SPHKAP: variants seen among roughly 807,000 people sequenced by gnomAD.
SPHKAP encodes the protein A-kinase anchor protein SPHKAP.
SPHKAP carries 67 observed loss-of-function variants against 137.5 expected under a neutral mutation model. The ratio of observed to expected loss-of-function variants is 0.49; its 90% CI spans 0.40 to 0.60. The LOEUF (loss-of-function observed/expected upper bound fraction) is 0.60. Among genes scored for constraint, SPHKAP ranks in the 20% least tolerant of loss-of-function variants. SPHKAP has a pLI of 0.00. For synonymous variants in SPHKAP, 813 were observed against 785.3 expected (o/e 1.04, Z -0.59); for missense variants, 2,097 against 2,069.3 (o/e 1.01, Z -0.26).
chr2:228,102,744 TG>T (rs372867128), intron 3 of SPHKAP, among the ~76,000 whole-genome samples: 3,502 of 151,634 alleles, frequency 0.023, 128 homozygotes, highest in African/African-American at 0.079. Context: ...CAATTTTTTT[TG>T]TTGTTTGTTT....
At chr2:227,989,455 C>T (rs1487876653) in intron 11 of SPHKAP, among the ~76,000 whole-genome samples, 1 of 152,098 alleles carries the variant, frequency 6.6e-6, no homozygotes, top group African/African-American at 2.4e-5. Flanking sequence ...TAGGCAGGAT[C>T]CTAAAACAGT....
chr2:228,061,568 GA>G (rs1696634651), intron 3 of SPHKAP, among the ~76,000 whole-genome samples: 1 of 151,864 alleles, frequency 6.6e-6, no homozygotes, highest in Non-Finnish European at 1.5e-5. Context: ...CACCGCGCCC[GA>G]CCTAATTATT....
intron 3 of SPHKAP, among the ~76,000 whole-genome samples, chr2:228,066,510 A>G (rs1696832751): frequency 6.6e-6 from 1 of 152,134 alleles, no homozygotes; most frequent in Non-Finnish European, 1.5e-5. Context: ...TTATTCAATT[A>G]CCCTCTGTCC....
At chr2:228,015,794 A>T (rs184576287) in intron 7 of SPHKAP, among the ~76,000 whole-genome samples, 1,596 of 152,344 alleles carry the variant, frequency 0.01, 14 homozygotes, top group Non-Finnish European at 0.017. Flanking sequence ...GAAAAAGACA[A>T]AAAACAAAAA....
At chr2:228,150,357 C>T (rs950969837) in intron 1 of SPHKAP, among the ~76,000 whole-genome samples, 1 of 152,052 alleles carries the variant, frequency 6.6e-6, no homozygotes, top group African/African-American at 2.4e-5. Context: ...ATTGGAATTA[C>T]CTATTTATCA....
Position 228,181,503 on chromosome 2 carries a change from G to T in SPHKAP, c.32+64C>A. 6.2e-7 allele frequency: 1 copy of T among 1,612,012 alleles called. No homozygotes were observed. Among genetic ancestry groups the T allele is most frequent in the South Asian group, 1.1e-5 (1 of 91,002 alleles). ...AGCGCTCTGGGGCAAGTTGGTGAGC[G>T]ACTCACAACGCGGAACGGAGTTTGA... is the stretch of plus-strand genomic sequence containing the variant. On this transcript the variant is annotated intron_variant, in intron 1 of 11. Coordinates refer to ENST00000392056, the MANE Select transcript of SPHKAP (RefSeq NM_001142644.2). The surrounding 1 kb of genome is among the most constrained non-coding windows in gnomAD (Gnocchi z 4.3).
intron 2 of SPHKAP, among the ~76,000 whole-genome samples, chr2:228,117,587 C>T (rs1698752944): frequency 6.6e-6 from 1 of 152,114 alleles, no homozygotes; most frequent in Non-Finnish European, 1.5e-5. Flanking sequence ...ATTTGCTTGG[C>T]AAGATAATGA....
intron 5 of SPHKAP, among the ~76,000 whole-genome samples, chr2:228,024,344 T>A (rs1264143527): frequency 1.5e-5 from 1 of 68,854 alleles, no homozygotes; most frequent in Non-Finnish European, 3.3e-5. Context: ...CAGAGGCAGT[T>A]TTTTTTTTTT....
intron 11 of SPHKAP, among the ~76,000 whole-genome samples, chr2:227,986,571 TAAAA>T (rs1224639277): frequency 6.6e-6 from 1 of 152,124 alleles, no homozygotes; most frequent in Non-Finnish European, 1.5e-5. Flanking sequence ...CCTATGGAAG[TAAAA>T]AAATTTGTTA....
intron 3 of SPHKAP, among the ~76,000 whole-genome samples, chr2:228,061,810 TA>T (rs1295144926): frequency 2.0e-5 from 3 of 151,306 alleles, no homozygotes; most frequent in East Asian, 3.9e-4. Flanking sequence ...CTGTGGCCAC[TA>T]AAAAAAACAA....
chr2:228,147,674 A>G (rs889316392), intron 1 of SPHKAP, among the ~76,000 whole-genome samples: 1 of 152,174 alleles, frequency 6.6e-6, no homozygotes, highest in African/African-American at 2.4e-5. Context: ...TGGGACTCAT[A>G]TGATTCACTT....
intron 2 of SPHKAP, among the ~76,000 whole-genome samples, chr2:228,130,096 C>G (rs1699204825): frequency 6.6e-6 from 1 of 151,966 alleles, no homozygotes; most frequent in Non-Finnish European, 1.5e-5. Flanking sequence ...GTGCCCAGCA[C>G]CAGTTTTAAT....
intron 2 of SPHKAP, among the ~76,000 whole-genome samples, chr2:228,114,227 T>G (rs980795356): frequency 6.6e-6 from 1 of 152,178 alleles, no homozygotes; most frequent in South Asian, 2.1e-4. Flanking sequence ...CTTTTCAAAT[T>G]TCATGAGTTC....
At chr2:228,142,691 C>A (rs1049645311) in intron 1 of SPHKAP, among the ~76,000 whole-genome samples, 2 of 151,624 alleles carry the variant, frequency 1.3e-5, no homozygotes, top group Non-Finnish European at 2.9e-5. Flanking sequence ...CACACTGGGG[C>A]GTTTTGGAGG....
rs1285266768 is a variant in SPHKAP, at chr2:227,991,045, A to T, written c.4914T>A (p.Ile1638=). 1.9e-6 allele frequency: 3 copies of T among 1,614,026 alleles called. No homozygotes were observed. Among genetic ancestry groups the T allele is most frequent in the African/African-American group, 1.3e-5 (1 of 74,916 alleles). The change falls in exon 11 of 12, where the codon ATT becomes ATA. Residue 1638 remains isoleucine, a synonymous_variant. Coordinates refer to ENST00000392056, the MANE Select transcript of SPHKAP (RefSeq NM_001142644.2). ...LQWIAASELG[I]PTIYFKKSQE... ...GAGATTTCTTAAAGTAGATGGTGGG[A>T]ATCCCCAGTTCAGAGGCAGCTATCC...
intron 7 of SPHKAP, among the ~76,000 whole-genome samples, chr2:228,015,685 A>C (rs1401564731): frequency 6.6e-6 from 1 of 151,038 alleles, no homozygotes; most frequent in Non-Finnish European, 1.5e-5. Flanking sequence ...TGTTTAAATA[A>C]CAATACTTCA....
chr2:227,991,881 A>AAT (rs1045605099), intron 9 of SPHKAP: 11 of 255,054 alleles, frequency 4.3e-5, no homozygotes, highest in African/African-American at 2.5e-4. Context: ...TTGACAGCAA[A>AAT]ATATCACAAT....
intron 1 of SPHKAP, among the ~76,000 whole-genome samples, chr2:228,145,526 G>A (rs1699750266): frequency 6.6e-6 from 1 of 152,092 alleles, no homozygotes; most frequent in Non-Finnish European, 1.5e-5. Flanking sequence ...ATTTTGGCAG[G>A]CATATTAGGA....
intron 3 of SPHKAP, among the ~76,000 whole-genome samples, chr2:228,107,032 A>G (rs1022897478): frequency 5.3e-5 from 8 of 151,992 alleles, no homozygotes; most frequent in African/African-American, 1.9e-4. Context: ...GAATGGCTAA[A>G]TTGAACTAAT....
Sources: allele counts gnomAD v4.1 joint callset (sites outside exome capture counted in the v4.1 genomes callset), GRCh38; gene constraint gnomAD v4.1.1; non-coding constraint Gnocchi (gnomAD v3.1); transcripts MANE v1.5; gene names NCBI Gene and HGNC (gene_info 2026-07-23, HGNC 2026-07-21).